The following THRB variants were observed in gnomAD, a reference collection of about 807,000 sequenced individuals.
THRB encodes thyroid hormone receptor beta, also known as nuclear receptor subfamily 1 group A member 2.
A neutral mutation model predicts 47.8 loss-of-function variants in THRB; 12 were observed. The observed-to-expected ratio is 0.25, with a 90% confidence interval of 0.16 to 0.41. THRB has a LOEUF of 0.41. Among genes scored for constraint, THRB ranks in the 10% least tolerant of loss-of-function variants. The probability of loss-of-function intolerance (pLI) is 1.00; values close to 1 mark genes in which losing one functional copy is unlikely to be tolerated. For missense variants in THRB, 348 were observed against 589.2 expected (o/e 0.59, Z 4.24); for synonymous variants, 218 against 212.2 (o/e 1.03, Z -0.24).
chr3:24,213,282 G>T (rs2046245334), intron 4 of THRB, among the ~76,000 whole-genome samples: 1 of 152,150 alleles, frequency 6.6e-6, no homozygotes, highest in Admixed American at 6.5e-5. Context: ...TTATTTAGTT[G>T]ATTTGTGGCA....
chr3:24,254,749 G>A (rs2051071800), intron 3 of THRB, among the ~76,000 whole-genome samples: 1 of 152,212 alleles, frequency 6.6e-6, no homozygotes, highest in Admixed American at 6.5e-5. Flanking sequence ...GGGATCCTTG[G>A]AATGCATATA....
chr3:24,423,956 C>A (rs987642441), intron 1 of THRB, among the ~76,000 whole-genome samples: 1 of 151,804 alleles, frequency 6.6e-6, no homozygotes, highest in Admixed American at 6.6e-5. Context: ...TTAAGCATGT[C>A]AATGGAGAAT....
In THRB at chr3:24,328,971, G is replaced by A. The variant is rs139697769; in HGVS notation, c.-189+8329C>T. On this transcript the variant is annotated intron_variant, in intron 2 of 10. Coordinates refer to ENST00000646209, the MANE Select transcript of THRB (RefSeq NM_001354712.2). ...TTCTTTTTTTTTTCTTTTTGAGACA[G>A]GGTCTCCCTCTGTCACCCAGGCTGG... Among the ~76,000 whole-genome samples the A allele has an allele frequency of 8.1e-3, 1,226 of 151,838 alleles. 23 individuals carry two copies. The highest frequency in any genetic ancestry group is 0.028 in the African/African-American group (1,159 of 41,408).
At chr3:24,226,164 A>T (rs2047631606) in intron 4 of THRB, among the ~76,000 whole-genome samples, 1 of 152,170 alleles carries the variant, frequency 6.6e-6, no homozygotes, top group Non-Finnish European at 1.5e-5. Context: ...TTTTCTTTTC[A>T]TAAGGGTTTA....
intron 3 of THRB, among the ~76,000 whole-genome samples, chr3:24,273,783 C>G (rs1431628200): frequency 6.6e-6 from 1 of 152,024 alleles, no homozygotes; most frequent in African/African-American, 2.4e-5. Context: ...ACAATACTAT[C>G]TTCCCGAACC....
chr3:24,432,626 T>G (rs2070552215), intron 1 of THRB, among the ~76,000 whole-genome samples: 1 of 152,156 alleles, frequency 6.6e-6, no homozygotes, highest in Non-Finnish European at 1.5e-5. Context: ...TAAGTGAACT[T>G]GAATTTGAGA....
rs376590830 is a variant in THRB, at chr3:24,229,974, T to G, written c.-42-973A>C. 4.4e-4 allele frequency among the ~76,000 whole-genome samples: 67 copies of G among 152,316 alleles called. 2 individuals are homozygous for G. The South Asian group carries it at 5.8e-3, about 13-fold the overall frequency. ...CAGTGTAAGATGAGGAAACTAATAC[T>G]TGTCCCACTTATTTCACAAGGCTGG... On this transcript the variant is annotated intron_variant, in intron 3 of 10. Transcript: ENST00000646209.
At chr3:24,418,727 C>T (rs889521234) in intron 1 of THRB, among the ~76,000 whole-genome samples, 1 of 151,866 alleles carries the variant, frequency 6.6e-6, no homozygotes, top group Non-Finnish European at 1.5e-5. Flanking sequence ...AATTCTAATA[C>T]AAATATTCTG....
intron 5 of THRB, among the ~76,000 whole-genome samples, chr3:24,162,936 T>C (rs546087103): frequency 9.2e-5 from 14 of 152,250 alleles, no homozygotes; most frequent in East Asian, 3.9e-4. Context: ...AGCTGCAGTA[T>C]TGGAGTTTAT....
At chr3:24,366,373 C>T (rs151215839) in intron 1 of THRB, among the ~76,000 whole-genome samples, 2 of 152,168 alleles carry the variant, frequency 1.3e-5, no homozygotes, top group African/African-American at 4.8e-5. Flanking sequence ...TCATCGTTAC[C>T]CCCATGCTTC....
At chr3:24,387,692 C>T (rs1577248525) in intron 1 of THRB, among the ~76,000 whole-genome samples, 1 of 152,116 alleles carries the variant, frequency 6.6e-6, no homozygotes. Flanking sequence ...TCCATTACAA[C>T]TCTGTCTGCT....
intron 3 of THRB, among the ~76,000 whole-genome samples, chr3:24,276,941 G>A (rs1008560226): frequency 2.0e-5 from 3 of 151,894 alleles, no homozygotes; most frequent in Non-Finnish European, 4.4e-5. Context: ...ATTTATAAAA[G>A]TTATATGCAA....
In THRB at chr3:24,275,570, C is replaced by T. The variant is rs1461940302; in HGVS notation, c.-43+21656G>A. The stretch of plus-strand genomic sequence containing the variant: ...GGTTTGGAGAGCCATGTTTTGCCAC[C>T]ATCATCATGTCACTGTTTTGGGGGG... On this transcript the variant is annotated intron_variant, in intron 3 of 10. Transcript: ENST00000646209. 2.6e-5 allele frequency among the ~76,000 whole-genome samples: 4 copies of T among 151,910 alleles called. No individual in the cohort carries two copies. The East Asian group carries it at 7.7e-4, about 29-fold the overall frequency.
chr3:24,407,830 A>C (rs1054725061), intron 1 of THRB, among the ~76,000 whole-genome samples: 1 of 151,928 alleles, frequency 6.6e-6, no homozygotes, highest in African/African-American at 2.4e-5. Context: ...CAAAGGATAC[A>C]GAAATAATTG....
chr3:24,306,486 G>A (rs945446183), intron 2 of THRB, among the ~76,000 whole-genome samples: 1 of 152,168 alleles, frequency 6.6e-6, no homozygotes, highest in East Asian at 1.9e-4. Context: ...AATGGGCTGG[G>A]GAACAAGGGA....
chr3:24,414,231 T>G (rs1210855352), intron 1 of THRB, among the ~76,000 whole-genome samples: 1 of 151,888 alleles, frequency 6.6e-6, no homozygotes. Flanking sequence ...AAAGTCTGTT[T>G]GCAAGAACAA....
chr3:24,167,900 A>G (rs1416167381), intron 5 of THRB, among the ~76,000 whole-genome samples: 1 of 152,150 alleles, frequency 6.6e-6, no homozygotes, highest in Non-Finnish European at 1.5e-5. Context: ...ACTGGATATA[A>G]ATACTGCAGT....
chr3:24,287,261 C>T (rs932024324), intron 3 of THRB, among the ~76,000 whole-genome samples: 25 of 152,202 alleles, frequency 1.6e-4, no homozygotes, highest in African/African-American at 6.0e-4. Context: ...GAGACCTGCA[C>T]ATTTACCTTA....
chr3:24,238,367 AG>A (rs1376977669), intron 3 of THRB, among the ~76,000 whole-genome samples: 2 of 150,274 alleles, frequency 1.3e-5, no homozygotes, highest in African/African-American at 4.9e-5. Context: ...CTAAGGAATG[AG>A]GGTACCATGC....
Sources: allele counts gnomAD v4.1 joint callset (sites outside exome capture counted in the v4.1 genomes callset), GRCh38; gene constraint gnomAD v4.1.1; transcripts MANE v1.5; gene names NCBI Gene and HGNC (gene_info 2026-07-23, HGNC 2026-07-21).